BAG6: variants seen among roughly 807,000 people sequenced by gnomAD.
BAG6 encodes the protein BAG cochaperone 6, also known as large proline-rich protein BAG6.
In BAG6, 22 loss-of-function variants were observed where a neutral mutation model predicts 121.0. The ratio of observed to expected loss-of-function variants is 0.18; its 90% confidence interval spans 0.13 to 0.26. The LOEUF (loss-of-function observed/expected upper bound fraction) is 0.26. BAG6 is among the 10% of genes least tolerant of loss of function. BAG6 has a pLI of 1.00. For missense variants in BAG6, 1,233 were observed against 1,537.7 expected (o/e 0.80, Z 3.31); for synonymous variants, 583 against 584.6 (o/e 1.00, Z 0.04).
chr6:31,649,199 A>C lies in BAG6; in HGVS notation c.423T>G (p.Pro141=), dbSNP rs777563072. 1 of 1,613,038 alleles carries C rather than the reference A, an allele frequency of 6.2e-7. No homozygotes were observed. Among genetic ancestry groups the C allele is most frequent in the Non-Finnish European group, 8.5e-7 (1 of 1,180,012 alleles). The part of the protein sequence containing the change: ...SYVMVGTFNL[P]SDGSAVDVHI... ...CCTCCCCTGTGGAACATAAGCTTAC[A>C]GGAAGATTGAAGGTTCCAACCATGA... Residue 141 remains proline, a splice_region_variant and synonymous_variant, in exon 4 of 26, where the codon CCT becomes CCG. Transcript: ENST00000676615.
intron 7 of BAG6, among the ~76,000 whole-genome samples, chr6:31,647,194 C>CA (rs971821888): frequency 3.5e-4 from 54 of 152,252 alleles, no homozygotes; most frequent in African/African-American, 1.2e-3. Flanking sequence ...TGAGCCACTG[C>CA]ACCCAGCCAA....
intron 2 of BAG6, among the ~76,000 whole-genome samples, chr6:31,649,919 T>C (rs1461987369): frequency 2.0e-5 from 3 of 150,892 alleles, no homozygotes; most frequent in African/African-American, 7.3e-5. Flanking sequence ...CTGGCCAACA[T>C]GGTAAAACCC....
Position 31,645,480 on chromosome 6 carries a change from T to C in BAG6, c.1043A>G (p.His348Arg). 6.2e-7 allele frequency: 1 copy of C among 1,613,018 alleles called. No homozygotes were observed. Among genetic ancestry groups the C allele is most frequent in the Non-Finnish European group, 8.5e-7 (1 of 1,179,998 alleles). ...RCNLACTPPR[H>R]LHVVRPMSHY... ...AGACATAGGCCGGACCACATGCAGGTGTCGTGGGGGCGTGCAGGCCAGATT... is the reference window on the plus strand; with the variant it reads ...AGACATAGGCCGGACCACATGCAGGCGTCGTGGGGGCGTGCAGGCCAGATT... Residue 348 changes from histidine (H) to arginine (R), a missense_variant, in exon 9 of 26, where the codon CAC becomes CGC. Transcript: ENST00000676615.
Position 31,648,531 on chromosome 6 carries a change from T to C in BAG6, c.552+146A>G. 4 of 744,938 alleles carry C rather than the reference T, an allele frequency of 5.4e-6. 1 individual carries two copies. Among genetic ancestry groups the C allele is most frequent in the Non-Finnish European group, 8.7e-6 (4 of 458,546 alleles). The allele number at this position is 744,938 out of a possible 1,614,324, so 46.1% of individuals were successfully genotyped here. A position where few individuals can be genotyped will look rare whatever the true frequency, so the allele number is the denominator to read the frequency against. ...GAGAGAGCCTCACAAAGATACTTTT[T>C]CTGCCCAAAAGAATGAATACTGCAG... On this transcript the variant is annotated intron_variant, in intron 6 of 25. Coordinates refer to ENST00000676615, the MANE Select transcript of BAG6 (RefSeq NM_001387994.1).
Position 31,644,805 on chromosome 6 carries a change from G to T in BAG6, c.1369+141C>A. ...ACCAACCCCCACACCCCCCACATCT[G>T]TCTACTTAAGCTTCTGCTCTGGTCC... On this transcript the variant is annotated intron_variant, in intron 10 of 25. Transcript: ENST00000676615. The surrounding 1 kb of genome is among the most constrained non-coding windows in gnomAD (Gnocchi z 4.9). 7.2e-7 allele frequency: 1 copy of T among 1,393,734 alleles called. No individual in the cohort carries two copies. Among genetic ancestry groups the T allele is most frequent in the Non-Finnish European group, 9.8e-7 (1 of 1,015,718 alleles). 86.3% of individuals were successfully genotyped at this position (1,393,734 alleles called of 1,614,324 possible).
intron 9 of BAG6, 86 bp from the exon 10 acceptor site, chr6:31,645,284 C>T (rs1561922973): frequency 1.9e-6 from 3 of 1,604,804 alleles, no homozygotes. Flanking sequence ...TAAAGTATCT[C>T]CAGCCTTCAT....
chr6:31,647,845 C>A lies in BAG6; in HGVS notation c.553-19G>T. On this transcript the variant is annotated intron_variant, in intron 6 of 25. Coordinates refer to ENST00000676615, the MANE Select transcript of BAG6 (RefSeq NM_001387994.1). Reference sequence around the variant, plus strand: ...CTCGACACTGAAGGTAGGGGAGAGTCAGGATACCAAAGGCAGGGTAAGACT... The same window carrying A: ...CTCGACACTGAAGGTAGGGGAGAGTAAGGATACCAAAGGCAGGGTAAGACT... 6.6e-7 allele frequency: 1 copy of A among 1,520,134 alleles called. No individual in the cohort carries two copies. Among genetic ancestry groups the A allele is most frequent in the Non-Finnish European group, 8.8e-7 (1 of 1,138,254 alleles). 94.2% of individuals were successfully genotyped at this position (1,520,134 alleles called of 1,614,324 possible). A position where few individuals can be genotyped will look rare whatever the true frequency, so the allele number is the denominator to read the frequency against.
Position 31,652,603 on chromosome 6 carries a change from C to G in BAG6, c.-193G>C, listed in dbSNP as rs1798676926. The G allele has an allele frequency of 6.6e-6, 1 of 152,378 alleles. No homozygotes were observed. The highest frequency in any genetic ancestry group is 1.5e-5 in the Non-Finnish European group (1 of 68,124). 9.4% of individuals were successfully genotyped at this position (152,378 alleles called of 1,614,324 possible). ...GGGGCCGGCCTAGGTGGGAGGGAGC[C>G]GAGCACCCCGAGGAGCCGCCACCGC... On this transcript the variant is annotated 5_prime_UTR_variant, in exon 1 of 26. Transcript: ENST00000676615.
chr6:31,639,082 AAG>A lies in BAG6; in HGVS notation c.*47_*48del, dbSNP rs1485424529. 1 of 1,476,964 alleles carries A rather than the reference AAG, an allele frequency of 6.8e-7. No individual in the cohort carries two copies. The highest frequency in any genetic ancestry group is 1.2e-5 in the South Asian group (1 of 85,504). The allele number at this position is 1,476,964 out of a possible 1,614,324, so 91.5% of individuals were successfully genotyped here. A position where few individuals can be genotyped will look rare whatever the true frequency, so the allele number is the denominator to read the frequency against. On this transcript the variant is annotated 3_prime_UTR_variant, in exon 26 of 26. Coordinates refer to ENST00000676615, the MANE Select transcript of BAG6 (RefSeq NM_001387994.1). The stretch of plus-strand genomic sequence containing the variant: ...TTTTATTTCTTAAATACTGTGAAGG[AAG>A]AGGGGGGAAACGGTCCCCTGATGAG...
intron 14 of BAG6, among the ~76,000 whole-genome samples, chr6:31,643,574 A>C (rs1785133788): frequency 6.6e-6 from 1 of 151,746 alleles, no homozygotes; most frequent in Non-Finnish European, 1.5e-5. Context: ...AACATAAAAA[A>C]TTAGCTGGGC....
chr6:31,639,186 T>C lies in BAG6; in HGVS notation c.3434A>G (p.Asn1145Ser), dbSNP rs767946501. 2.1e-5 allele frequency: 34 copies of C among 1,613,856 alleles called. No homozygotes were observed. Among genetic ancestry groups the C allele is most frequent in the Non-Finnish European group, 2.7e-5 (32 of 1,179,990 alleles). ...DIQKRLQEDP[N>S]YSPQRFPNAQ... ...ATTGGGGAAGCGCTGGGGACTGTAG[T>C]TGGGGTCTTCCTGCAGTCGTTTTTG... The change falls in exon 26 of 26, where the codon AAC becomes AGC. Residue 1145 changes from asparagine to serine, a missense_variant. Asn to Ser is a conservative substitution (Grantham distance 46, BLOSUM62 1). Coordinates refer to ENST00000676615, the MANE Select transcript of BAG6 (RefSeq NM_001387994.1).
chr6:31,639,410 G>C, intron 25 of BAG6, 90 bp downstream of exon 25: 1 of 1,541,754 alleles, frequency 6.5e-7, no homozygotes. Context: ...GCACCAGGCT[G>C]ACCAGTTCAT....
rs780838813 is a variant in BAG6 at position 31,645,031 on chromosome 6, G to A, written c.1284C>T (p.Pro428=). The A allele has an allele frequency of 6.2e-7, 1 of 1,612,314 alleles. No individual in the cohort carries two copies. The change falls in exon 10 of 26, where the codon CCC becomes CCT. Residue 428 remains proline (P), a synonymous_variant. Transcript: ENST00000676615. ...AEGAPPPGPA[P]PPATSHPRVI... ...CCCTCGGGTGGCTGGTGGCTGGCGGGGGAGCTGGACCTGGCGGGGGAGCCC... is the reference window on the plus strand; with the variant it reads ...CCCTCGGGTGGCTGGTGGCTGGCGGAGGAGCTGGACCTGGCGGGGGAGCCC...
At chr6:31,645,752 T>C in intron 8 of BAG6, 148 bp from the exon 9 acceptor site, 1 of 925,334 alleles carries the variant, frequency 1.1e-6, no homozygotes, top group South Asian at 1.5e-5. Context: ...ACCAAATCTT[T>C]GCAAATAAAT....
intron 3 of BAG6, 30 bp from the exon 4 acceptor site, chr6:31,649,425 T>C (rs767727212): frequency 4.9e-5 from 78 of 1,606,276 alleles, no homozygotes; most frequent in East Asian, 4.0e-4. Flanking sequence ...CACCAAAACA[T>C]AGTATGAACA....
intron 14 of BAG6, among the ~76,000 whole-genome samples, chr6:31,643,479 T>C (rs12524536): frequency 0.14 from 21,355 of 151,078 alleles, 1,802 homozygotes; most frequent in Admixed American, 0.19. Context: ...ATCCCAGCAC[T>C]TTGGGAGGCC....
chr6:31,640,484 G>A lies in BAG6; in HGVS notation c.3039C>T (p.Ala1013=), dbSNP rs1299072360. The A allele has an allele frequency of 1.2e-6, 2 of 1,613,086 alleles. No individual in the cohort carries two copies. The highest frequency in any genetic ancestry group is 1.7e-6 in the Non-Finnish European group (2 of 1,180,022). The change falls in exon 23 of 26, where the codon GCC becomes GCT. Residue 1013 remains alanine (A), a synonymous_variant. Transcript: ENST00000676615. The surrounding 1 kb of genome is among the most constrained non-coding windows in gnomAD (Gnocchi z 4.2). Reference sequence around the variant, plus strand: ...GAGCAGGAGGTGGACCTCGGGACATGGCCTCTTCTGCTGTTGTTCCAGGGG... The same window carrying A: ...GAGCAGGAGGTGGACCTCGGGACATAGCCTCTTCTGCTGTTGTTCCAGGGG... ...SPAPGTTAEE[A]MSRGPPPAPE... is the part of the protein sequence containing the mutation.
rs1787316245 is a variant in BAG6, at chr6:31,644,888, C to T, written c.1369+58G>A. 6.5e-7 allele frequency: 1 copy of T among 1,539,302 alleles called. No homozygotes were observed. Among genetic ancestry groups the T allele is most frequent in the African/African-American group, 1.4e-5 (1 of 72,812 alleles). The stretch of plus-strand genomic sequence containing the variant: ...TTCCCCACCCTGTTCCCTCACACCT[C>T]AGCATGAACCTCCCTCATCATGCTG... On this transcript the variant is annotated intron_variant, in intron 10 of 25. Coordinates refer to ENST00000676615, the MANE Select transcript of BAG6 (RefSeq NM_001387994.1). This position sits in a 1 kb window ranked among gnomAD's most constrained non-coding sequence, Gnocchi z 4.9.
intron 2 of BAG6, 115 bp from the exon 3 acceptor site, chr6:31,649,742 T>G: frequency 7.2e-6 from 6 of 837,946 alleles, no homozygotes; most frequent in Non-Finnish European, 1.2e-5. Context: ...TCACTACCCG[T>G]TTGTCTTGAC....
Sources: allele counts gnomAD v4.1 joint callset (sites outside exome capture counted in the v4.1 genomes callset), GRCh38; gene constraint gnomAD v4.1.1; non-coding constraint Gnocchi (gnomAD v3.1); transcripts MANE v1.5; gene names NCBI Gene and HGNC (gene_info 2026-07-23, HGNC 2026-07-21).